Variants in ITSN1 observed in about 807,000 individuals in gnomAD.
ITSN1 encodes intersectin 1, also known as intersectin-1.
ITSN1 carries 58 observed loss-of-function variants against 239.8 expected under a neutral mutation model. That is an observed-to-expected ratio of 0.24 (90% CI 0.20 to 0.30). The LOEUF (loss-of-function observed/expected upper bound fraction) is 0.30, where lower values mean the gene tolerates loss of function less well. Among genes scored for constraint, ITSN1 ranks in the 10% least tolerant of loss-of-function variants. The pLI is 1.00. For synonymous variants in ITSN1, 780 were observed against 770.8 expected (o/e 1.01, Z -0.20); for missense variants, 1,558 against 2,103.3 (o/e 0.74, Z 5.07).
chr21:33,732,866 AT>A (rs986716771), intron 4 of ITSN1, among the ~76,000 whole-genome samples: 1 of 152,230 alleles, frequency 6.6e-6, no homozygotes, highest in Admixed American at 6.5e-5. Flanking sequence ...TTCAGAATAC[AT>A]TTAGCAAGAA....
intron 5 of ITSN1, among the ~76,000 whole-genome samples, chr21:33,746,243 G>A (rs1158639301): frequency 6.6e-6 from 1 of 152,134 alleles, no homozygotes; most frequent in African/African-American, 2.4e-5. Flanking sequence ...GAAAATCAGA[G>A]CCAGAGTAGC....
At chr21:33,748,696 A>AG (rs2067339930) in intron 5 of ITSN1, among the ~76,000 whole-genome samples, 1 of 149,716 alleles carries the variant, frequency 6.7e-6, no homozygotes, top group Non-Finnish European at 1.5e-5. Context: ...AAAAAAAAAA[A>AG]TACACGTATA....
Position 33,772,236 on chromosome 21 carries a change from A to T in ITSN1, c.1218A>T (p.Gln406His), listed in dbSNP as rs201073854. Reference sequence around the variant, plus strand: ...GCCAGGAGCAAGAGCGCAAAAGACAACTGGAACTGGAGAAGCAACTGGAAA... The same window carrying T: ...GCCAGGAGCAAGAGCGCAAAAGACATCTGGAACTGGAGAAGCAACTGGAAA... ...RERQEQERKR[Q>H]LELEKQLEKQ... The change falls in exon 12 of 40, where the codon CAA (glutamine) becomes CAT (histidine). Residue 406 changes from glutamine to histidine, a missense_variant. This residue lies in a region of ITSN1 where 982 missense variants were observed against 1,209.9 expected (regional missense o/e 0.81). Transcript: ENST00000381318. 1 of 1,608,618 alleles carries T rather than the reference A, an allele frequency of 6.2e-7. No individual in the cohort carries two copies. Among genetic ancestry groups the T allele is most frequent in the African/African-American group, 1.3e-5 (1 of 74,952 alleles).
chr21:33,747,062 G>A (rs2067227541), intron 5 of ITSN1, among the ~76,000 whole-genome samples: 1 of 152,190 alleles, frequency 6.6e-6, no homozygotes, highest in Admixed American at 6.5e-5. Context: ...TCTGAGGCAG[G>A]AGAATAACTT....
intron 22 of ITSN1, chr21:33,817,637 T>C (rs1015444244): frequency 7.3e-6 from 9 of 1,235,892 alleles, no homozygotes; most frequent in African/African-American, 6.3e-5. Context: ...AATAAAGTGC[T>C]TTTCCCTAAA....
intron 33 of ITSN1, among the ~76,000 whole-genome samples, chr21:33,871,347 T>C: frequency 6.6e-6 from 1 of 151,682 alleles, no homozygotes; most frequent in Non-Finnish European, 1.5e-5. Flanking sequence ...TCCTATGGTA[T>C]GATGCATTTT....
intron 8 of ITSN1, among the ~76,000 whole-genome samples, chr21:33,760,823 C>T (rs1342109816): frequency 2.0e-5 from 3 of 152,204 alleles, no homozygotes; most frequent in Non-Finnish European, 2.9e-5. Context: ...CTCTGTCCAG[C>T]AGTCTTCCTG....
chr21:33,814,147 C>T (rs1004236484), intron 22 of ITSN1, 75 bp downstream of exon 22: 13 of 1,442,666 alleles, frequency 9.0e-6, no homozygotes, highest in Admixed American at 3.8e-5. Context: ...TGCTTTTTGG[C>T]AATGTCATTT....
chr21:33,791,476 C>CT (rs2071128797), intron 16 of ITSN1, among the ~76,000 whole-genome samples: 1 of 152,278 alleles, frequency 6.6e-6, no homozygotes, highest in Non-Finnish European at 1.5e-5. Flanking sequence ...ATTTAAGTAT[C>CT]TTTTTTCATG....
intron 27 of ITSN1, among the ~76,000 whole-genome samples, chr21:33,833,858 C>T (rs143207824): frequency 0.014 from 1,930 of 140,194 alleles, 48 homozygotes; most frequent in African/African-American, 0.05. Context: ...GGTGACAGAG[C>T]GAGACTCCGT....
Position 33,750,125 on chromosome 21 carries a change from G to A in ITSN1, c.347-18G>A, listed in dbSNP as rs756094944. 34 of 1,612,134 alleles carry A rather than the reference G, an allele frequency of 2.1e-5. No individual in the cohort carries two copies. The highest frequency in any genetic ancestry group is 2.7e-5 in the Non-Finnish European group (32 of 1,178,816). On this transcript the variant is annotated intron_variant, in intron 5 of 39. Transcript: ENST00000381318. ...TGTGATTGGATGTGAATGGTGTTGA[G>A]CTGTTTTTTCTTCATAGGTATGGGA...
intron 29 of ITSN1, among the ~76,000 whole-genome samples, chr21:33,843,636 A>G (rs753385671): frequency 9.9e-5 from 15 of 152,116 alleles, no homozygotes; most frequent in Non-Finnish European, 8.8e-5. Flanking sequence ...GGAACATTCT[A>G]TTTCCCTGTA....
At chr21:33,696,957 A>G (rs1375943544) in intron 1 of ITSN1, among the ~76,000 whole-genome samples, 1 of 152,208 alleles carries the variant, frequency 6.6e-6, no homozygotes, top group African/African-American at 2.4e-5. Flanking sequence ...CTTAAGACTA[A>G]GTGTGATTTC....
intron 1 of ITSN1, among the ~76,000 whole-genome samples, chr21:33,662,009 A>G (rs1390628076): frequency 6.6e-6 from 1 of 152,180 alleles, no homozygotes; most frequent in Non-Finnish European, 1.5e-5. Context: ...TCCACAGACC[A>G]CAAGAGAATT....
At chr21:33,837,501 A>G in intron 29 of ITSN1, 1 of 985,950 alleles carries the variant, frequency 1.0e-6, no homozygotes, top group Non-Finnish European at 1.2e-6. Context: ...AGTGTTACCA[A>G]CTAAATTGTG....
chr21:33,661,317 A>G (rs1351937235), intron 1 of ITSN1, among the ~76,000 whole-genome samples: 1 of 152,208 alleles, frequency 6.6e-6, no homozygotes, highest in East Asian at 1.9e-4. Flanking sequence ...TGTTTGGTGT[A>G]GCACATAAAT....
intron 12 of ITSN1, among the ~76,000 whole-genome samples, chr21:33,773,576 G>A: frequency 6.6e-6 from 1 of 152,144 alleles, no homozygotes; most frequent in Non-Finnish European, 1.5e-5. Context: ...GGCTAAGGAG[G>A]GATGATCACT....
rs1233696904 is a variant in ITSN1, at chr21:33,867,822, C to T, written c.4173+491C>T. Among the ~76,000 whole-genome samples, 11 of 151,504 alleles carry T rather than the reference C, an allele frequency of 7.3e-5. 2 individuals are homozygous for T. The highest frequency in any genetic ancestry group is 4.2e-4 in the South Asian group (2 of 4,772). ...CGGAGTTTCTTCCTTCTGGTGGGTT[C>T]GTGGTCTCGCTGGCTCAAGAGTGAA... On this transcript the variant is annotated intron_variant, in intron 33 of 39. Transcript: ENST00000381318.
chr21:33,725,133 G>GTTTTTTTTT (rs1171718411), intron 4 of ITSN1, among the ~76,000 whole-genome samples: 3 of 91,154 alleles, frequency 3.3e-5, no homozygotes, highest in Non-Finnish European at 5.9e-5. Flanking sequence ...TTTTTTTTTT[G>GTTTTTTTTT]TTTTTTTTTT....
Sources: allele counts gnomAD v4.1 joint callset (sites outside exome capture counted in the v4.1 genomes callset), GRCh38; gene constraint gnomAD v4.1.1; regional missense constraint gnomAD v4.1.1; transcripts MANE v1.5; gene names NCBI Gene and HGNC (gene_info 2026-07-23, HGNC 2026-07-21).